PLCE1: variants seen among roughly 807,000 people sequenced by gnomAD.
The protein encoded by PLCE1 is 1-phosphatidylinositol 4,5-bisphosphate phosphodiesterase epsilon-1.
Under a neutral mutation model 242.8 loss-of-function variants are expected in PLCE1, and 119 were observed. The ratio of observed to expected loss-of-function variants is 0.49; its 90% CI spans 0.42 to 0.57. The LOEUF (loss-of-function observed/expected upper bound fraction) is 0.57. PLCE1 is among the 20% of genes least tolerant of loss of function. PLCE1 has a pLI of 0.00. For synonymous variants in PLCE1, 945 were observed against 1,017.4 expected, an observed-to-expected ratio of 0.93 and a Z score of 1.35; for missense variants, 2,441 against 2,788.8, an observed-to-expected ratio of 0.88 and a Z score of 2.81.
chr10:94,289,751 A>G (rs2052583877), intron 22 of PLCE1, among the ~76,000 whole-genome samples: 1 of 152,208 alleles, frequency 6.6e-6, no homozygotes, highest in African/African-American at 2.4e-5. Context: ...CAAGACTGGA[A>G]GTTGCTCTAG....
chr10:94,098,817 A>G (rs1381748208), intron 2 of PLCE1, among the ~76,000 whole-genome samples: 5 of 152,218 alleles, frequency 3.3e-5, no homozygotes, highest in African/African-American at 1.2e-4. Context: ...TAATTCTGCA[A>G]TGACCTATCT....
intron 3 of PLCE1, among the ~76,000 whole-genome samples, chr10:94,132,829 T>A (rs1004459781): frequency 2.0e-5 from 3 of 151,922 alleles, no homozygotes; most frequent in African/African-American, 7.3e-5. Context: ...GGGCGCCTGT[T>A]GTCCCAGTTA....
At position 94,270,412 on chromosome 10, in the gene PLCE1, T is replaced by G; in HGVS notation, c.4390-74T>G. ...CATGTAACAATTGAGATGCTTTCTG[T>G]GGCTATAACTACCCTGCCTTCTGAC... On this transcript the variant is annotated intron_variant, in intron 17 of 32. Transcript: ENST00000371380. The G allele has an allele frequency of 6.5e-6, 6 of 929,654 alleles. No individual in the cohort carries two copies. In the South Asian group the frequency reaches 7.7e-5, roughly 12 times the overall value. The allele number at this position is 929,654 out of a possible 1,614,324, so 57.6% of individuals were successfully genotyped here.
At chr10:94,148,127 C>T (rs1332247306) in intron 3 of PLCE1, among the ~76,000 whole-genome samples, 1 of 152,090 alleles carries the variant, frequency 6.6e-6, no homozygotes, top group East Asian at 1.9e-4. Flanking sequence ...TAAAATAGGA[C>T]AATGCAGACA....
intron 1 of PLCE1, among the ~76,000 whole-genome samples, chr10:94,023,650 G>A (rs540931283): frequency 6.6e-6 from 1 of 152,178 alleles, no homozygotes; most frequent in South Asian, 2.1e-4. Context: ...TTTGCAATTG[G>A]GAATTAACCT....
At chr10:94,176,814 G>T (rs150895756) in intron 4 of PLCE1, among the ~76,000 whole-genome samples, 1 of 152,096 alleles carries the variant, frequency 6.6e-6, no homozygotes, top group Non-Finnish European at 1.5e-5. Flanking sequence ...TACCAAAAAA[G>T]GCAGAAAGTA....
chr10:94,081,971 T>G (rs2044665795), intron 2 of PLCE1: 1 of 152,248 alleles, frequency 6.6e-6, no homozygotes, highest in Non-Finnish European at 1.5e-5. Context: ...TAATAGACTT[T>G]GTTTAATTTA....
intron 2 of PLCE1, among the ~76,000 whole-genome samples, chr10:94,115,374 A>G (rs1371092189): frequency 6.6e-6 from 1 of 152,170 alleles, no homozygotes. Context: ...ACCAGTTTAC[A>G]GTCCCACCAA....
chr10:94,110,402 C>T (rs572675901), intron 2 of PLCE1, among the ~76,000 whole-genome samples: 1 of 152,238 alleles, frequency 6.6e-6, no homozygotes, highest in African/African-American at 2.4e-5. Flanking sequence ...GAAATAACCT[C>T]ATGTGCAGAA....
chr10:94,240,550 A>G (rs749532262), intron 7 of PLCE1, among the ~76,000 whole-genome samples: 1 of 152,166 alleles, frequency 6.6e-6, no homozygotes, highest in African/African-American at 2.4e-5. Flanking sequence ...AAGGACATAG[A>G]TTTACTTCTA....
At chr10:94,019,498 T>C (rs2061338570) in intron 1 of PLCE1, among the ~76,000 whole-genome samples, 1 of 152,202 alleles carries the variant, frequency 6.6e-6, no homozygotes, top group Non-Finnish European at 1.5e-5. Context: ...CAGCAACTGA[T>C]CCAATTCTAT....
At chr10:94,026,079 G>A (rs1028200728) in intron 1 of PLCE1, among the ~76,000 whole-genome samples, 1 of 152,156 alleles carries the variant, frequency 6.6e-6, no homozygotes, top group Non-Finnish European at 1.5e-5. Context: ...GACTCAGTAT[G>A]TAGTTTTCCA....
At chr10:94,212,505 C>T (rs2049375111) in intron 4 of PLCE1, among the ~76,000 whole-genome samples, 1 of 152,206 alleles carries the variant, frequency 6.6e-6, no homozygotes, top group African/African-American at 2.4e-5. Context: ...ATCCACCCTC[C>T]TTGGCCTCCC....
chr10:94,320,937 G>GA (rs1422935052), intron 29 of PLCE1, among the ~76,000 whole-genome samples: 1 of 152,046 alleles, frequency 6.6e-6, no homozygotes, highest in Non-Finnish European at 1.5e-5. Flanking sequence ...GTGGGAGAAG[G>GA]AAAAAAGATG....
chr10:94,114,576 A>G (rs1455870489), intron 2 of PLCE1, among the ~76,000 whole-genome samples: 1 of 152,032 alleles, frequency 6.6e-6, no homozygotes, highest in African/African-American at 2.4e-5. Flanking sequence ...GGATTTTTAT[A>G]CCAAGCCTCA....
intron 4 of PLCE1, among the ~76,000 whole-genome samples, chr10:94,218,897 T>C (rs560739588): frequency 9.5e-4 from 77 of 80,812 alleles, no homozygotes; most frequent in African/African-American, 3.8e-3. Flanking sequence ...ATTTTATATA[T>C]AATTATAAAA....
At chr10:94,131,896 A>G (rs558459587) in intron 2 of PLCE1, among the ~76,000 whole-genome samples, 1 of 152,318 alleles carries the variant, frequency 6.6e-6, no homozygotes, top group Admixed American at 6.5e-5. Flanking sequence ...AGGAGGAGAA[A>G]TTTGAGCTGA....
chr10:94,172,652 C>T (rs915926583), intron 4 of PLCE1, among the ~76,000 whole-genome samples: 7 of 152,084 alleles, frequency 4.6e-5, no homozygotes, highest in Non-Finnish European at 1.0e-4. Flanking sequence ...AATAGCAAGA[C>T]CTTGTCAGTA....
chr10:94,296,655 C>G (rs2052830111), intron 23 of PLCE1, among the ~76,000 whole-genome samples: 1 of 152,154 alleles, frequency 6.6e-6, no homozygotes, highest in Non-Finnish European at 1.5e-5. Flanking sequence ...AATCTTCTAT[C>G]CAGACCACTA....
Sources: gnomAD v4.1 joint callset for allele counts (sites outside exome capture counted in the v4.1 genomes callset) on GRCh38, gnomAD v4.1.1 for gene constraint, MANE v1.5 for transcripts, NCBI Gene and HGNC (gene_info 2026-07-23, HGNC 2026-07-21) for gene names.